The following EXT2 variants were observed in gnomAD, a reference collection of about 807,000 sequenced individuals.
The protein encoded by EXT2 is exostosin glycosyltransferase 2.
A neutral mutation model predicts 81.6 loss-of-function variants in EXT2; 53 were observed. The observed-to-expected ratio is 0.65, with a 90% CI of 0.52 to 0.82. EXT2 has a LOEUF of 0.82. Among genes scored for constraint, EXT2 ranks in the 40% least tolerant of loss-of-function variants. The probability of loss-of-function intolerance (pLI) is 0.00; values close to 1 mark genes in which losing one functional copy is unlikely to be tolerated. For synonymous variants in EXT2, 320 were observed against 340.0 expected, an observed-to-expected ratio of 0.94 and a Z score of 0.65; for missense variants, 774 against 910.2, an observed-to-expected ratio of 0.85 and a Z score of 1.93.
At chr11:44,232,189 T>C (rs1258724758) in intron 10 of EXT2, among the ~76,000 whole-genome samples, 164 bp from the exon 11 acceptor site, 2 of 152,186 alleles carry the variant, frequency 1.3e-5, no homozygotes, top group East Asian at 3.9e-4. Flanking sequence ...TTTGGCAGAA[T>C]AACTAACACC....
intron 10 of EXT2, among the ~76,000 whole-genome samples, chr11:44,222,576 G>A (rs1955793337): frequency 6.6e-6 from 1 of 152,028 alleles, no homozygotes; most frequent in African/African-American, 2.4e-5. Flanking sequence ...TGAAAGATTG[G>A]ACATCCATGG....
Position 44,244,479 on chromosome 11 carries a change from C to T in EXT2, c.*192C>T. 1.6e-6 allele frequency: 1 copy of T among 606,964 alleles called. No individual in the cohort carries two copies. Among genetic ancestry groups the T allele is most frequent in the African/African-American group, 1.8e-5 (1 of 54,354 alleles). The allele number at this position is 606,964 out of a possible 1,614,324, so 37.6% of individuals were successfully genotyped here. A position where few individuals can be genotyped will look rare whatever the true frequency, so the allele number is the denominator to read the frequency against. On this transcript the variant is annotated 3_prime_UTR_variant, in exon 14 of 14. Transcript: ENST00000533608. ...GAATATCCAAGCACCTCGAGCTATG[C>T]AACCTCTGTTCTTGTATTTCTTATG...
chr11:44,167,977 C>T (rs1202720451), intron 7 of EXT2, among the ~76,000 whole-genome samples: 2 of 144,746 alleles, frequency 1.4e-5, no homozygotes, highest in Non-Finnish European at 3.0e-5. Context: ...CCCACTCCCC[C>T]GACCCCACAA....
intron 12 of EXT2, among the ~76,000 whole-genome samples, chr11:44,234,546 G>GT (rs1273265176): frequency 6.6e-6 from 1 of 151,224 alleles, no homozygotes; most frequent in Non-Finnish European, 1.5e-5. Flanking sequence ...GCTGATATGG[G>GT]TTCTAGTTCT....
At chr11:44,202,326 C>G (rs532653470) in intron 9 of EXT2, among the ~76,000 whole-genome samples, 20 of 152,158 alleles carry the variant, frequency 1.3e-4, no homozygotes, top group African/African-American at 4.8e-4. Context: ...TATACACATT[C>G]GCCAATTGTA....
chr11:44,195,738 G>T (rs929909364), intron 8 of EXT2, among the ~76,000 whole-genome samples: 2 of 152,208 alleles, frequency 1.3e-5, no homozygotes, highest in African/African-American at 4.8e-5. Flanking sequence ...GACTAGGGAA[G>T]TATGCAGCAG....
chr11:44,129,858 G>A (rs182271997), intron 6 of EXT2, among the ~76,000 whole-genome samples, 187 bp from the exon 7 acceptor site: 1 of 152,154 alleles, frequency 6.6e-6, no homozygotes, highest in African/African-American at 2.4e-5. Context: ...GGAGCTGTAA[G>A]AGAACTCCTT....
chr11:44,223,931 G>A (rs575867877), intron 10 of EXT2, among the ~76,000 whole-genome samples: 6 of 152,276 alleles, frequency 3.9e-5, no homozygotes, highest in East Asian at 1.9e-4. Context: ...GATTACATGA[G>A]TGAGCCACTG....
At chr11:44,125,513 A>G (rs11037876) in intron 5 of EXT2, among the ~76,000 whole-genome samples, 33,061 of 152,040 alleles carry the variant, frequency 0.22, 3,917 homozygotes, top group Non-Finnish European at 0.27. Flanking sequence ...GAATGGCTGT[A>G]CTTCCATAAC....
chr11:44,209,493 A>G lies in EXT2; in HGVS notation c.1662+2534A>G, dbSNP rs80126348. Among the ~76,000 whole-genome samples, 963 of 152,320 alleles carry G rather than the reference A, an allele frequency of 6.3e-3. 12 individuals are homozygous for G. Among genetic ancestry groups the G allele is most frequent in the African/African-American group, 0.022 (926 of 41,572 alleles). ...CTATCTTGAAGAAGGGACTCAGTTT[A>G]GTGTTGAATCAAGAGACAGAAGATC... On this transcript the variant is annotated intron_variant, in intron 10 of 13. Transcript: ENST00000533608.
chr11:44,241,088 T>G (rs1956031824), intron 13 of EXT2, among the ~76,000 whole-genome samples: 1 of 152,206 alleles, frequency 6.6e-6, no homozygotes, highest in Non-Finnish European at 1.5e-5. Context: ...AGTAGCTCAT[T>G]TATTCCTATA....
chr11:44,244,825 T>C lies in EXT2; in HGVS notation c.*538T>C, dbSNP rs1338985707. On this transcript the variant is annotated 3_prime_UTR_variant, in exon 14 of 14. Transcript: ENST00000533608. The stretch of plus-strand genomic sequence containing the variant: ...CTTGGGACCTGGAGTGCTGGGCTTG[T>C]GCACAGGAAGAGCACCAGCCGCTGA... 2.1e-5 allele frequency: 5 copies of C among 243,220 alleles called. No homozygotes were observed. The highest frequency in any genetic ancestry group is 4.1e-5 in the Non-Finnish European group (5 of 123,410). The allele number at this position is 243,220 out of a possible 1,614,324, so 15.1% of individuals were successfully genotyped here.
At chr11:44,135,451 G>C (rs1954552419) in intron 7 of EXT2, among the ~76,000 whole-genome samples, 1 of 149,634 alleles carries the variant, frequency 6.7e-6, no homozygotes, top group Admixed American at 6.7e-5. Flanking sequence ...GAGTGCAGTG[G>C]TGCGATCTCA....
chr11:44,179,371 G>T (rs895417093), intron 8 of EXT2, among the ~76,000 whole-genome samples: 8 of 152,146 alleles, frequency 5.3e-5, no homozygotes, highest in African/African-American at 1.9e-4. Context: ...TGCCTTCATT[G>T]CTTACTTAGA....
At position 44,182,143 on chromosome 11, in the gene EXT2, C is replaced by G. The variant is rs568431626; in HGVS notation, c.1305+10401C>G. On this transcript the variant is annotated intron_variant, in intron 8 of 13. Coordinates refer to ENST00000533608, the MANE Select transcript of EXT2 (RefSeq NM_207122.2). ...TTCATCCTACAGATTATTATTTAAT[C>G]TGTTATATTTAGTATGGTGCCTCAC... 3.9e-5 allele frequency among the ~76,000 whole-genome samples: 6 copies of G among 152,228 alleles called. No individual in the cohort carries two copies. The East Asian group carries it at 1.2e-3, about 29-fold the overall frequency.
At chr11:44,191,247 G>A (rs954985387) in intron 8 of EXT2, among the ~76,000 whole-genome samples, 3 of 152,234 alleles carry the variant, frequency 2.0e-5, no homozygotes, top group African/African-American at 7.2e-5. Context: ...ATTTGGAGGA[G>A]TGAGAAGTAA....
intron 3 of EXT2, among the ~76,000 whole-genome samples, chr11:44,110,723 G>A (rs773022743): frequency 6.6e-6 from 1 of 152,190 alleles, no homozygotes; most frequent in Non-Finnish European, 1.5e-5. Flanking sequence ...TGTTAAATGC[G>A]ATTTCATTTG....
At chr11:44,212,316 T>A (rs866170607) in intron 10 of EXT2, among the ~76,000 whole-genome samples, 1 of 129,758 alleles carries the variant, frequency 7.7e-6, no homozygotes, top group African/African-American at 2.7e-5. Flanking sequence ...AATAAATAAA[T>A]AAATAAATAA....
At chr11:44,137,062 C>T (rs1954581047) in intron 7 of EXT2, among the ~76,000 whole-genome samples, 1 of 151,804 alleles carries the variant, frequency 6.6e-6, no homozygotes, top group South Asian at 2.1e-4. Context: ...AAGTGGTCAA[C>T]ATGTGTTGTT....
Sources: gnomAD v4.1 joint callset for allele counts (sites outside exome capture counted in the v4.1 genomes callset) on GRCh38, gnomAD v4.1.1 for gene constraint, MANE v1.5 for transcripts, NCBI Gene and HGNC (gene_info 2026-07-23, HGNC 2026-07-21) for gene names.